The following DZIP1 variants were observed in gnomAD, a reference collection of about 807,000 sequenced individuals.
The protein encoded by DZIP1 is cilium assembly protein DZIP1.
A neutral mutation model predicts 107.6 loss-of-function variants in DZIP1; 97 were observed. The observed-to-expected ratio is 0.90, with a 90% confidence interval of 0.77 to 1.07. DZIP1 has a LOEUF of 1.07. DZIP1 is among the 50% of genes least tolerant of loss of function. DZIP1 has a pLI of 0.00. For missense variants in DZIP1, 1,035 were observed against 1,063.6 expected (o/e 0.97, Z 0.37); for synonymous variants, 390 against 386.4 (o/e 1.01, Z -0.11).
At chr13:95,606,317 A>G (rs2044775019) in intron 13 of DZIP1, among the ~76,000 whole-genome samples, 1 of 152,202 alleles carries the variant, frequency 6.6e-6, no homozygotes. Context: ...AAACACAACC[A>G]CTGTCTAATT....
At chr13:95,602,347 G>C (rs2044641411) in intron 14 of DZIP1, among the ~76,000 whole-genome samples, 1 of 152,180 alleles carries the variant, frequency 6.6e-6, no homozygotes, top group Non-Finnish European at 1.5e-5. Context: ...ACGCCAGGAA[G>C]TCTTCCCAGA....
At position 95,622,460 on chromosome 13, in the gene DZIP1, C is replaced by T. The variant is rs888308894; in HGVS notation, c.993G>A (p.Lys331=). ...TGTTGGACTTGATCTGCATATTGGA[C>T]TTCTGGATTTCTGACAGTTGCTATA... ...ALEYQLSEIQ[K]SNMQIKSNIG... The change falls in exon 9 of 23, where the codon AAG becomes AAA. Residue 331 remains lysine, a synonymous_variant. Transcript: ENST00000376829. 2.5e-6 allele frequency: 4 copies of T among 1,614,190 alleles called. No homozygotes were observed. Among genetic ancestry groups the T allele is most frequent in the Non-Finnish European group, 1.7e-6 (2 of 1,180,042 alleles).
chr13:95,582,773 C>T (rs941988788), intron 22 of DZIP1, among the ~76,000 whole-genome samples: 1 of 152,196 alleles, frequency 6.6e-6, no homozygotes, highest in South Asian at 2.1e-4. Flanking sequence ...TTTTAAAATG[C>T]CATGATTTTG....
At chr13:95,635,692 T>A (rs761989912) in intron 5 of DZIP1, among the ~76,000 whole-genome samples, 1 of 152,086 alleles carries the variant, frequency 6.6e-6, no homozygotes, top group Non-Finnish European at 1.5e-5. Context: ...TATGCCTCCC[T>A]CTCTCCCCAC....
At chr13:95,626,156 GA>G (rs1876522008) in intron 7 of DZIP1, among the ~76,000 whole-genome samples, 1 of 150,464 alleles carries the variant, frequency 6.6e-6, no homozygotes, top group South Asian at 2.1e-4. Context: ...AGAAGAAGAA[GA>G]AAAATCTTAA....
intron 5 of DZIP1, among the ~76,000 whole-genome samples, chr13:95,638,130 C>A (rs1878048597): frequency 6.8e-6 from 1 of 146,976 alleles, no homozygotes; most frequent in South Asian, 2.2e-4. Flanking sequence ...GCTCTTGTCA[C>A]CCAGGATGGA....
rs1304698295 is a variant in DZIP1 at position 95,580,552 on chromosome 13, C to T, written c.*1682G>A. On this transcript the variant is annotated 3_prime_UTR_variant, in exon 23 of 23. Coordinates refer to ENST00000376829, the MANE Select transcript of DZIP1 (RefSeq NM_198968.4). ...CCCTTGACACTTTGTACTTGTATGG[C>T]TTCTGGCAACTTACTTAATAACTCT... The T allele has an allele frequency of 1.3e-5, 2 of 152,146 alleles. No homozygotes were observed. The highest frequency in any genetic ancestry group is 3.8e-4 in the East Asian group (2 of 5,196). The allele number at this position is 152,146 out of a possible 1,614,324, so 9.4% of individuals were successfully genotyped here. A position where few individuals can be genotyped will look rare whatever the true frequency, so the allele number is the denominator to read the frequency against.
chr13:95,641,413 T>C lies in DZIP1; in HGVS notation c.479A>G (p.Lys160Arg). The C allele has an allele frequency of 1.2e-6, 2 of 1,614,148 alleles. No homozygotes were observed. The highest frequency in any genetic ancestry group is 1.7e-6 in the Non-Finnish European group (2 of 1,179,990). ...CCCCGCCTGCTTGGTGAGCAGCTTC[T>C]TGCTCTGCTCGCCGTCGCAGTGGCT... ...RLSHCDGEQS[K>R]KLLTKQAGEI... Residue 160 changes from lysine (K) to arginine (R), a missense_variant, in exon 5 of 23, where the codon AAG becomes AGG. Physicochemically the swap from Lys to Arg is conservative, Grantham distance 26. Transcript: ENST00000376829. The surrounding 1 kb of genome is among the most constrained non-coding windows in gnomAD (Gnocchi z 4.3).
chr13:95,624,786 C>A lies in DZIP1; in HGVS notation c.954G>T (p.Lys318Asn), dbSNP rs138320927. 3.7e-6 allele frequency: 6 copies of A among 1,601,240 alleles called. No homozygotes were observed. Among genetic ancestry groups the A allele is most frequent in the Non-Finnish European group, 5.1e-6 (6 of 1,171,600 alleles). The change falls in exon 8 of 23, where the codon AAG (lysine) becomes AAT (asparagine). Residue 318 changes from lysine to asparagine, a missense_variant. By Grantham distance (94) the Lys-to-Asn change is moderately conservative. Coordinates refer to ENST00000376829, the MANE Select transcript of DZIP1 (RefSeq NM_198968.4). ...TACTTACATATTCTAATGCTGAATTCTTCGAAGTTAATTCTTTAAATTCCT... is the reference window on the plus strand; with the variant it reads ...TACTTACATATTCTAATGCTGAATTATTCGAAGTTAATTCTTTAAATTCCT... The part of the protein sequence containing the change: ...FMKEFKELTS[K>N]NSALEYQLSE...
chr13:95,629,065 C>G (rs1876888172), intron 7 of DZIP1, among the ~76,000 whole-genome samples: 1 of 152,128 alleles, frequency 6.6e-6, no homozygotes, highest in Admixed American at 6.5e-5. Context: ...ATGTGGAAGA[C>G]AGAAGCCTCT....
chr13:95,600,054 G>A (rs1359556345), intron 14 of DZIP1, among the ~76,000 whole-genome samples: 1 of 152,176 alleles, frequency 6.6e-6, no homozygotes, highest in African/African-American at 2.4e-5. Context: ...CCCCAGAATG[G>A]CAACCGCACT....
chr13:95,640,792 G>T (rs1019765927), intron 5 of DZIP1, among the ~76,000 whole-genome samples: 1 of 152,298 alleles, frequency 6.6e-6, no homozygotes, highest in South Asian at 2.1e-4. Flanking sequence ...ATAATAATAT[G>T]TATACAGAAA....
rs1244756677 is a variant in DZIP1 at position 95,578,469 on chromosome 13, T to C, written c.*3765A>G. 2 of 152,332 alleles carry C rather than the reference T, an allele frequency of 1.3e-5. No individual in the cohort carries two copies. Among genetic ancestry groups the C allele is most frequent in the Non-Finnish European group, 2.9e-5 (2 of 68,108 alleles). The allele number at this position is 152,332 out of a possible 1,614,324, so 9.4% of individuals were successfully genotyped here. On this transcript the variant is annotated 3_prime_UTR_variant, in exon 23 of 23. Coordinates refer to ENST00000376829, the MANE Select transcript of DZIP1 (RefSeq NM_198968.4). ...AAGGTGTCCAGGTTAAATAGACATGTTACTGGCTGCACACAGGCAAATTCT... is the reference window on the plus strand; with the variant it reads ...AAGGTGTCCAGGTTAAATAGACATGCTACTGGCTGCACACAGGCAAATTCT...
chr13:95,613,525 G>A (rs118139513), intron 10 of DZIP1, among the ~76,000 whole-genome samples: 1 of 150,444 alleles, frequency 6.6e-6, no homozygotes, highest in Non-Finnish European at 1.5e-5. Context: ...AAAAAAAAAG[G>A]CTTCATAATT....
intron 16 of DZIP1, among the ~76,000 whole-genome samples, chr13:95,592,704 G>A (rs1418118520): frequency 2.0e-5 from 3 of 152,148 alleles, no homozygotes; most frequent in Non-Finnish European, 4.4e-5. Flanking sequence ...GCCAAGAAGA[G>A]CCCCAAAATA....
chr13:95,639,042 G>C lies in DZIP1; in HGVS notation c.597+2253C>G, dbSNP rs1403823382. ...ACAAAACGTTTTTCCCTCATTCCCA[G>C]GTATTAGCTAAAACAATAACTAACT... On this transcript the variant is annotated intron_variant, in intron 5 of 22. Coordinates refer to ENST00000376829, the MANE Select transcript of DZIP1 (RefSeq NM_198968.4). Among the ~76,000 whole-genome samples, 5 of 152,246 alleles carry C rather than the reference G, an allele frequency of 3.3e-5. No individual in the cohort carries two copies. The East Asian group carries it at 9.6e-4, about 29-fold the overall frequency.
At chr13:95,607,024 C>T (rs532812921) in intron 13 of DZIP1, among the ~76,000 whole-genome samples, 30 of 150,378 alleles carry the variant, frequency 2.0e-4, no homozygotes, top group African/African-American at 7.1e-4. Flanking sequence ...AAAATACTGG[C>T]CACAAACCTC....
chr13:95,625,600 C>A (rs1269928231), intron 7 of DZIP1, among the ~76,000 whole-genome samples: 1 of 151,976 alleles, frequency 6.6e-6, no homozygotes, highest in Non-Finnish European at 1.5e-5. Context: ...TCTCTGATCA[C>A]AATAGAATTA....
intron 15 of DZIP1, among the ~76,000 whole-genome samples, chr13:95,595,956 G>A (rs1254477521): frequency 6.6e-6 from 1 of 152,108 alleles, no homozygotes; most frequent in African/African-American, 2.4e-5. Context: ...CAGCTCTGAT[G>A]ACAGGTTCAT....
Sources: allele counts gnomAD v4.1 joint callset (sites outside exome capture counted in the v4.1 genomes callset), GRCh38; gene constraint gnomAD v4.1.1; non-coding constraint Gnocchi (gnomAD v3.1); transcripts MANE v1.5; gene names NCBI Gene and HGNC (gene_info 2026-07-23, HGNC 2026-07-21).